The following POC1B variants were observed in gnomAD, a reference collection of about 807,000 sequenced individuals.
The protein encoded by POC1B is POC1 centriolar protein B.
Under a neutral mutation model 60.6 loss-of-function variants are expected in POC1B, and 44 were observed. That is an observed-to-expected ratio of 0.73 (90% CI 0.57 to 0.93). The LOEUF (loss-of-function observed/expected upper bound fraction) is 0.93, where lower values mean the gene tolerates loss of function less well. Ranked by LOEUF, POC1B falls within the 40% of genes least tolerant of loss-of-function variation. POC1B has a pLI of 0.00. For missense variants in POC1B, 555 were observed against 572.3 expected, an observed-to-expected ratio of 0.97 and a Z score of 0.31; for synonymous variants, 180 against 198.9, an observed-to-expected ratio of 0.90 and a Z score of 0.80.
rs797010459 is a variant in POC1B, at chr12:89,423,385, G to A, written c.1332+1776C>T. 5.9e-5 allele frequency among the ~76,000 whole-genome samples: 9 copies of A among 152,216 alleles called. No individual in the cohort carries two copies. In the East Asian group the frequency reaches 1.7e-3, roughly 29 times the overall value. On this transcript the variant is annotated intron_variant, in intron 11 of 11. Transcript: ENST00000313546. ...ACTCCTGGGCTCAAGCAATCCTTCT[G>A]CCTCGGCTGCCCAAAGTGCTGGGAT...
intron 10 of POC1B, among the ~76,000 whole-genome samples, chr12:89,458,360 A>C (rs1033238194): frequency 1.3e-5 from 2 of 152,224 alleles, no homozygotes; most frequent in Non-Finnish European, 2.9e-5. Context: ...ATTAATTTTT[A>C]ATTTCTTAAA....
At chr12:89,520,877 A>G (rs1870792039) in intron 2 of POC1B, 1 of 152,196 alleles carries the variant, frequency 6.6e-6, no homozygotes, top group Non-Finnish European at 1.5e-5. Context: ...TGCATATAAT[A>G]TTGGTATAAA....
At chr12:89,503,933 G>T (rs1374892297) in intron 2 of POC1B, among the ~76,000 whole-genome samples, 2 of 150,480 alleles carry the variant, frequency 1.3e-5, no homozygotes, top group African/African-American at 4.9e-5. Context: ...CAGCCACCCT[G>T]TCTGGGAAGT....
chr12:89,507,975 C>A (rs1338740134), intron 2 of POC1B, among the ~76,000 whole-genome samples: 4 of 152,170 alleles, frequency 2.6e-5, no homozygotes, highest in Non-Finnish European at 5.9e-5. Context: ...AATATGTGTA[C>A]CTGAAACAGA....
chr12:89,410,402 G>A, the POC1B span, among the ~76,000 whole-genome samples: 8 of 151,948 alleles, frequency 5.3e-5, no homozygotes, highest in Non-Finnish European at 8.8e-5. Context: ...GCACAAGGTC[G>A]GGCGCGGTGG....
chr12:89,421,261 CA>C lies in POC1B; in HGVS notation c.1333-5del. 1 of 1,581,516 alleles carries C rather than the reference CA, an allele frequency of 6.3e-7. No individual in the cohort carries two copies. The highest frequency in any genetic ancestry group is 8.7e-7 in the Non-Finnish European group (1 of 1,155,864). Reference sequence around the variant, plus strand: ...GCTGCTCCAAGATTGAAACAGTCTGCAAAAAGGAGGATAAAATAATCAATGC... The same window carrying C: ...GCTGCTCCAAGATTGAAACAGTCTGCAAAAGGAGGATAAAATAATCAATGC... On this transcript the variant is annotated splice_region_variant and splice_polypyrimidine_tract_variant and intron_variant, in intron 11 of 11. Coordinates refer to ENST00000313546, the MANE Select transcript of POC1B (RefSeq NM_172240.3).
At chr12:89,405,051 A>T in the POC1B span, among the ~76,000 whole-genome samples, 21 of 152,300 alleles carry the variant, frequency 1.4e-4, no homozygotes, top group South Asian at 4.4e-3. Flanking sequence ...ATGATAACAA[A>T]CATAAAATGT....
chr12:89,525,779 G>A, intron 1 of POC1B, 102 bp downstream of exon 1: 1 of 1,377,558 alleles, frequency 7.3e-7, no homozygotes, highest in Non-Finnish European at 9.5e-7. Context: ...ACGGACACCT[G>A]CCTCCATCTC....
chr12:89,475,273 T>C (rs750123773), intron 4 of POC1B, among the ~76,000 whole-genome samples: 33 of 152,110 alleles, frequency 2.2e-4, no homozygotes, highest in Non-Finnish European at 4.4e-4. Context: ...GGGAGAAATT[T>C]CCCAGAGCAA....
At chr12:89,525,497 C>T in intron 1 of POC1B, 2 of 1,319,770 alleles carry the variant, frequency 1.5e-6, no homozygotes, top group African/African-American at 1.5e-5. Flanking sequence ...CGTTCCCGGG[C>T]CCCGCCCGCT....
intron 4 of POC1B, among the ~76,000 whole-genome samples, chr12:89,488,788 A>G (rs944797410): frequency 1.5e-4 from 23 of 152,236 alleles, no homozygotes; most frequent in Non-Finnish European, 1.6e-4. Context: ...CGCAGGGCCA[A>G]TAGCAGCTAT....
intron 4 of POC1B, chr12:89,485,454 A>C (rs957616159): frequency 6.6e-6 from 1 of 152,260 alleles, no homozygotes; most frequent in Admixed American, 6.5e-5. Flanking sequence ...TTATTCATTA[A>C]ATTTAACCAA....
chr12:89,518,924 C>T (rs1870621495), intron 2 of POC1B, among the ~76,000 whole-genome samples: 1 of 152,000 alleles, frequency 6.6e-6, no homozygotes, highest in African/African-American at 2.4e-5. Context: ...TTGTTAGAGT[C>T]CTTAGAAGAG....
At chr12:89,476,747 T>TAGACAGACAGAC (rs755421486) in intron 4 of POC1B, among the ~76,000 whole-genome samples, 106 of 128,816 alleles carry the variant, frequency 8.2e-4, no homozygotes, top group African/African-American at 3.0e-3. Flanking sequence ...GATAGATAGA[T>TAGACAGACAGAC]AGATAGATAG....
chr12:89,508,803 C>CT (rs1253909192), intron 2 of POC1B, among the ~76,000 whole-genome samples: 1 of 152,212 alleles, frequency 6.6e-6, no homozygotes, highest in Admixed American at 6.5e-5. Flanking sequence ...GCTTCCCCAC[C>CT]TTTGCTCTGC....
intron 10 of POC1B, among the ~76,000 whole-genome samples, chr12:89,453,698 C>CATACACTG (rs1250667612): frequency 6.6e-6 from 1 of 152,206 alleles, no homozygotes; most frequent in Non-Finnish European, 1.5e-5. Flanking sequence ...CTGAAGTTCA[C>CATACACTG]ATACACTGTG....
chr12:89,524,153 T>TCCTA, intron 2 of POC1B: 1 of 1,614,028 alleles, frequency 6.2e-7, no homozygotes, highest in South Asian at 1.1e-5. Flanking sequence ...GTAGGAAGTG[T>TCCTA]CCTATAGTTG....
the POC1B span, among the ~76,000 whole-genome samples, chr12:89,413,195 T>C: frequency 6.6e-6 from 1 of 151,110 alleles, no homozygotes; most frequent in African/African-American, 2.4e-5. Context: ...CACCATGCCT[T>C]GCCTTTTTTC....
chr12:89,514,513 AT>A (rs1371179005), intron 2 of POC1B, among the ~76,000 whole-genome samples: 1 of 143,266 alleles, frequency 7.0e-6, no homozygotes, highest in Non-Finnish European at 1.5e-5. Flanking sequence ...GGTTCAAGCA[AT>A]TCTCCTCCCT....
Sources: allele counts gnomAD v4.1 joint callset (sites outside exome capture counted in the v4.1 genomes callset), GRCh38; gene constraint gnomAD v4.1.1; transcripts MANE v1.5; gene names NCBI Gene and HGNC (gene_info 2026-07-23, HGNC 2026-07-21).